GPC5: variants seen among roughly 807,000 people sequenced by gnomAD.
GPC5 encodes the protein glypican-5.
Under a neutral mutation model 53.9 loss-of-function variants are expected in GPC5, and 47 were observed. The observed-to-expected ratio is 0.87, with a 90% CI of 0.69 to 1.11. GPC5 has a LOEUF of 1.11. Ranked by LOEUF, GPC5 falls within the 50% of genes most tolerant of loss-of-function variation. The pLI is 0.00. For missense variants in GPC5, 748 were observed against 713.1 expected (o/e 1.05, Z -0.56); for synonymous variants, 286 against 263.3 (o/e 1.09, Z -0.84).
At chr13:91,851,882 T>C (rs1485446722) in intron 5 of GPC5, among the ~76,000 whole-genome samples, 2 of 146,094 alleles carry the variant, frequency 1.4e-5, no homozygotes, top group Non-Finnish European at 3.0e-5. Context: ...TGCCACATTT[T>C]CTTAATCCAG....
At chr13:92,661,441 A>G (rs1374072857) in intron 7 of GPC5, among the ~76,000 whole-genome samples, 1 of 152,206 alleles carries the variant, frequency 6.6e-6, no homozygotes, top group African/African-American at 2.4e-5. Context: ...ATCCATATCT[A>G]CACACATATA....
At position 91,909,736 on chromosome 13, in the gene GPC5, A is replaced by G. The variant is rs375624726; in HGVS notation, c.1401+1679A>G. Among the ~76,000 whole-genome samples the G allele has an allele frequency of 6.5e-4, 99 of 152,250 alleles. 1 individual carries two copies. The East Asian group carries it at 0.017, about 26-fold the overall frequency. ...ACAGTTATAAAAAAAACACATTTAC[A>G]GAGAAGAACACATAGATACCCAATA... is the stretch of plus-strand genomic sequence containing the variant. On this transcript the variant is annotated intron_variant, in intron 6 of 7. Coordinates refer to ENST00000377067, the MANE Select transcript of GPC5 (RefSeq NM_004466.6).
intron 6 of GPC5, among the ~76,000 whole-genome samples, chr13:92,066,774 CA>C (rs1254146771): frequency 2.0e-5 from 3 of 152,022 alleles, no homozygotes; most frequent in African/African-American, 7.2e-5. Flanking sequence ...TGCTTGAATG[CA>C]AGAGGGCTGA....
intron 4 of GPC5, among the ~76,000 whole-genome samples, chr13:91,731,666 C>T (rs555752908): frequency 2.7e-4 from 41 of 152,154 alleles, no homozygotes; most frequent in African/African-American, 8.4e-4. Flanking sequence ...TATTTGTCCT[C>T]ATGCTCTCCC....
At chr13:91,534,789 G>GT (rs146477267) in intron 2 of GPC5, among the ~76,000 whole-genome samples, 13,615 of 151,940 alleles carry the variant, frequency 0.09, 768 homozygotes, top group Middle Eastern at 0.14. Flanking sequence ...TTGTTTGTTT[G>GT]TTTGTTTTGT....
At chr13:92,634,931 A>G (rs1885366182) in intron 7 of GPC5, among the ~76,000 whole-genome samples, 1 of 151,914 alleles carries the variant, frequency 6.6e-6, no homozygotes, top group Non-Finnish European at 1.5e-5. Context: ...AGTCAGAAAA[A>G]GACATTTGCT....
At chr13:92,557,219 T>G (rs960578793) in intron 7 of GPC5, among the ~76,000 whole-genome samples, 2 of 151,900 alleles carry the variant, frequency 1.3e-5, no homozygotes, top group African/African-American at 2.4e-5. Context: ...ATTGTTTCTC[T>G]CAATCCAGCT....
At chr13:92,002,132 ACTGACAAAAATCTGATTTGGTTGCT>A (rs11271636) in intron 6 of GPC5, among the ~76,000 whole-genome samples, 60,114 of 151,832 alleles carry the variant, frequency 0.4, 12,584 homozygotes, top group Admixed American at 0.49. Flanking sequence ...CTTTGGAACA[ACTGACAAAAATCTGATTTGGTTGCT>A]CTGAAGGACT....
rs907707439 is a variant in GPC5, at chr13:91,420,050, G to A, written c.163+20841G>A. On this transcript the variant is annotated intron_variant, in intron 1 of 7. Transcript: ENST00000377067. ...CAAAGTAGCAAGGAAGGATCCTGGG[G>A]AGCTGCAGGGATGGCCTCAGACTTC... Among the ~76,000 whole-genome samples the A allele has an allele frequency of 8.0e-4, 122 of 152,176 alleles. 1 individual carries two copies. Among genetic ancestry groups the A allele is most frequent in the African/African-American group, 2.9e-3 (120 of 41,428 alleles).
intron 1 of GPC5, among the ~76,000 whole-genome samples, chr13:91,424,494 A>C (rs1008430370): frequency 6.6e-6 from 1 of 150,988 alleles, no homozygotes; most frequent in African/African-American, 2.4e-5. Flanking sequence ...CCTCCCGAGT[A>C]GCTGGGATTA....
At chr13:92,632,560 T>C (rs1162528502) in intron 7 of GPC5, among the ~76,000 whole-genome samples, 2 of 151,024 alleles carry the variant, frequency 1.3e-5, no homozygotes, top group Non-Finnish European at 2.9e-5. Flanking sequence ...ATTCCAATTC[T>C]GCCCTATTAA....
At chr13:91,870,637 G>A (rs908710690) in intron 5 of GPC5, among the ~76,000 whole-genome samples, 5 of 152,070 alleles carry the variant, frequency 3.3e-5, no homozygotes, top group South Asian at 4.1e-4. Flanking sequence ...GAGTCTTCAC[G>A]CTATAGACGC....
At chr13:91,409,275 A>AT (rs1386094634) in intron 1 of GPC5, among the ~76,000 whole-genome samples, 5 of 152,180 alleles carry the variant, frequency 3.3e-5, no homozygotes, top group Admixed American at 2.6e-4. Context: ...GAAAAAAGTC[A>AT]TTTTTAAAAA....
intron 6 of GPC5, among the ~76,000 whole-genome samples, chr13:92,129,916 C>T (rs1281804415): frequency 2.0e-5 from 3 of 151,962 alleles, no homozygotes; most frequent in Non-Finnish European, 2.9e-5. Flanking sequence ...TCAGAAGAGC[C>T]GTTGGTCAAA....
chr13:92,611,497 A>C (rs1278461296), intron 7 of GPC5, among the ~76,000 whole-genome samples: 2 of 152,208 alleles, frequency 1.3e-5, no homozygotes, highest in African/African-American at 2.4e-5. Context: ...TAATGTATTC[A>C]AAGTATTTTC....
intron 7 of GPC5, among the ~76,000 whole-genome samples, chr13:92,655,612 G>T (rs1886107972): frequency 6.6e-6 from 1 of 152,122 alleles, no homozygotes; most frequent in Non-Finnish European, 1.5e-5. Flanking sequence ...AAGTGCTGGG[G>T]TTATAGGCGT....
chr13:92,155,763 T>TGA (rs76084523), intron 7 of GPC5, among the ~76,000 whole-genome samples: 44,459 of 151,860 alleles, frequency 0.29, 7,454 homozygotes, highest in South Asian at 0.59. Context: ...TCTATTTTTT[T>TGA]GAGATCTCTA....
intron 6 of GPC5, among the ~76,000 whole-genome samples, chr13:92,016,109 G>A (rs758454202): frequency 1.5e-4 from 23 of 152,136 alleles, no homozygotes; most frequent in Non-Finnish European, 3.2e-4. Flanking sequence ...ATAAGAATCG[G>A]GTCAAGAAAG....
chr13:92,787,665 T>TCCAAAAAAAAAAAAAA (rs1876289874), intron 7 of GPC5, among the ~76,000 whole-genome samples: 1 of 27,424 alleles, frequency 3.6e-5, no homozygotes, highest in African/African-American at 2.3e-4. Flanking sequence ...ACCTCATAGC[T>TCCAAAAAAAAAAAAAA]ACAAAAAAAA....
Sources: gnomAD v4.1 joint callset for allele counts (sites outside exome capture counted in the v4.1 genomes callset) on GRCh38, gnomAD v4.1.1 for gene constraint, MANE v1.5 for transcripts, NCBI Gene and HGNC (gene_info 2026-07-23, HGNC 2026-07-21) for gene names.